The following SLX4IP variants were observed in gnomAD, a reference collection of about 807,000 sequenced individuals.
SLX4IP encodes the protein protein SLX4IP.
Under a neutral mutation model 32.9 loss-of-function variants are expected in SLX4IP, and 34 were observed. That is an observed-to-expected ratio of 1.03 (90% CI 0.79 to 1.38). SLX4IP has a LOEUF of 1.38. Ranked by LOEUF, SLX4IP falls within the 40% of genes most tolerant of loss-of-function variation. The pLI is 0.00. For synonymous variants in SLX4IP, 172 were observed against 171.7 expected, an observed-to-expected ratio of 1.00 and a Z score of -0.01; for missense variants, 444 against 479.0, an observed-to-expected ratio of 0.93 and a Z score of 0.68.
intron 4 of SLX4IP, among the ~76,000 whole-genome samples, chr20:10,596,781 G>C (rs1398594138): frequency 6.6e-6 from 1 of 152,104 alleles, no homozygotes; most frequent in African/African-American, 2.4e-5. Flanking sequence ...TCAGCAGTTG[G>C]ACAAATAAAC....
chr20:10,510,594 A>T (rs1600944662), intron 2 of SLX4IP, among the ~76,000 whole-genome samples: 1 of 145,862 alleles, frequency 6.9e-6, no homozygotes, highest in Admixed American at 7.0e-5. Flanking sequence ...TATTATTATT[A>T]TTATTATTTT....
chr20:10,445,834 C>T (rs2065197958), intron 1 of SLX4IP, among the ~76,000 whole-genome samples: 1 of 151,706 alleles, frequency 6.6e-6, no homozygotes, highest in Non-Finnish European at 1.5e-5. Flanking sequence ...CCATGTTAGC[C>T]AGGCTGGTCT....
intron 2 of SLX4IP, among the ~76,000 whole-genome samples, chr20:10,496,306 G>A (rs2065667096): frequency 6.6e-6 from 1 of 152,084 alleles, no homozygotes; most frequent in African/African-American, 2.4e-5. Flanking sequence ...CTCCTAGCTA[G>A]CCCTTTATTT....
intron 1 of SLX4IP, among the ~76,000 whole-genome samples, chr20:10,446,381 C>T (rs533968895): frequency 1.4e-5 from 2 of 142,578 alleles, no homozygotes; most frequent in Non-Finnish European, 3.0e-5. Flanking sequence ...CACTGCACTA[C>T]AGCCTGGGCA....
chr20:10,483,883 C>T lies in SLX4IP; in HGVS notation c.27+25652C>T, dbSNP rs2065549001. ...CGTAAGACCTTATTTGAGAAGTGCCCTCTCTATACCCAGAGGAAAGGAACA... is the reference window on the plus strand; with the variant it reads ...CGTAAGACCTTATTTGAGAAGTGCCTTCTCTATACCCAGAGGAAAGGAACA... On this transcript the variant is annotated intron_variant, in intron 2 of 7. Coordinates refer to ENST00000334534, the MANE Select transcript of SLX4IP (RefSeq NM_001009608.3). Among the ~76,000 whole-genome samples the T allele has an allele frequency of 2.0e-5, 3 of 149,930 alleles. No homozygotes were observed. The South Asian group carries it at 6.3e-4, about 32-fold the overall frequency.
chr20:10,594,677 G>T (rs925268407), intron 4 of SLX4IP, among the ~76,000 whole-genome samples: 2 of 152,158 alleles, frequency 1.3e-5, no homozygotes, highest in Non-Finnish European at 2.9e-5. Flanking sequence ...TTGGAACATG[G>T]TACTACTTGA....
intron 2 of SLX4IP, among the ~76,000 whole-genome samples, chr20:10,555,615 G>A (rs554611805): frequency 3.3e-5 from 5 of 152,272 alleles, no homozygotes; most frequent in African/African-American, 9.6e-5. Context: ...GCTGGACAGC[G>A]CTAGCCTATA....
chr20:10,457,850 T>G (rs919401239), intron 1 of SLX4IP, among the ~76,000 whole-genome samples: 1 of 152,110 alleles, frequency 6.6e-6, no homozygotes, highest in South Asian at 2.1e-4. Context: ...CTTTTTTTTT[T>G]TTCTTTCTGT....
intron 4 of SLX4IP, among the ~76,000 whole-genome samples, chr20:10,564,349 A>G (rs550529804): frequency 6.6e-6 from 1 of 152,298 alleles, no homozygotes; most frequent in African/African-American, 2.4e-5. Flanking sequence ...CTTCAGTTCT[A>G]TGTCTCATGT....
chr20:10,607,123 G>A (rs1459239383), intron 6 of SLX4IP, among the ~76,000 whole-genome samples: 1 of 152,144 alleles, frequency 6.6e-6, no homozygotes, highest in East Asian at 1.9e-4. Context: ...ATTCCGTGTA[G>A]TGACCAATAT....
intron 2 of SLX4IP, among the ~76,000 whole-genome samples, chr20:10,461,720 G>A (rs959585801): frequency 1.8e-4 from 28 of 152,332 alleles, no homozygotes; most frequent in Middle Eastern, 3.4e-3. Context: ...TTGTGTGAGT[G>A]CTGTGTGGCC....
At chr20:10,471,736 C>T (rs1387524234) in intron 2 of SLX4IP, among the ~76,000 whole-genome samples, 1 of 152,174 alleles carries the variant, frequency 6.6e-6, no homozygotes, top group Non-Finnish European at 1.5e-5. Context: ...TCCAGCTGGG[C>T]AGTTTTTCTG....
At chr20:10,546,667 C>T (rs1043643685) in intron 2 of SLX4IP, among the ~76,000 whole-genome samples, 4 of 152,186 alleles carry the variant, frequency 2.6e-5, no homozygotes, top group Admixed American at 6.5e-5. Flanking sequence ...GTTTTCATTG[C>T]TATCTCCATT....
chr20:10,603,344 A>G (rs2066865961), intron 6 of SLX4IP, among the ~76,000 whole-genome samples: 1 of 152,224 alleles, frequency 6.6e-6, no homozygotes, highest in African/African-American at 2.4e-5. Flanking sequence ...TGGTATTTAT[A>G]CAGATGTAAG....
rs1359776662 is a variant in SLX4IP at position 10,622,787 on chromosome 20, C to T, written c.635C>T (p.Ser212Phe). 2.5e-6 allele frequency: 4 copies of T among 1,614,014 alleles called. No homozygotes were observed. Among genetic ancestry groups the T allele is most frequent in the Admixed American group, 1.7e-5 (1 of 59,986 alleles). ...AGGAGGAATGATGGTCAGGCTTCCT[C>T]CAGTCCCCCATCAGAATCCATGGGA... ...ARRRNDGQASSSPPSESMGQA... is the reference protein window; with the variant it reads ...ARRRNDGQASFSPPSESMGQA... The change falls in exon 8 of 8, where the codon TCC becomes TTC. Residue 212 changes from serine (S) to phenylalanine (F), a missense_variant. Ser to Phe is a radical substitution (Grantham distance 155, BLOSUM62 -2). Coordinates refer to ENST00000334534, the MANE Select transcript of SLX4IP (RefSeq NM_001009608.3).
At chr20:10,577,033 C>T (rs565897633) in intron 4 of SLX4IP, among the ~76,000 whole-genome samples, 2 of 151,938 alleles carry the variant, frequency 1.3e-5, no homozygotes, top group Non-Finnish European at 2.9e-5. Context: ...TATTCCTCTG[C>T]GGGGAAGAAA....
chr20:10,464,848 T>A (rs2065366821), intron 2 of SLX4IP, among the ~76,000 whole-genome samples: 1 of 152,082 alleles, frequency 6.6e-6, no homozygotes, highest in Non-Finnish European at 1.5e-5. Flanking sequence ...AGAGACAGGA[T>A]CTCGTTATGT....
At chr20:10,573,127 A>AT (rs1312077900) in intron 4 of SLX4IP, among the ~76,000 whole-genome samples, 13 of 152,304 alleles carry the variant, frequency 8.5e-5, no homozygotes, top group Admixed American at 3.3e-4. Flanking sequence ...TCTCCCCGGC[A>AT]TCCCCGCGAG....
At chr20:10,540,013 T>G (rs912282599) in intron 2 of SLX4IP, among the ~76,000 whole-genome samples, 1 of 152,194 alleles carries the variant, frequency 6.6e-6, no homozygotes, top group African/African-American at 2.4e-5. Context: ...ACCCCAGGTT[T>G]AAGTCTCACC....
Sources: allele counts gnomAD v4.1 joint callset (sites outside exome capture counted in the v4.1 genomes callset), GRCh38; gene constraint gnomAD v4.1.1; transcripts MANE v1.5; gene names NCBI Gene and HGNC (gene_info 2026-07-23, HGNC 2026-07-21).